MIPOL1: variants seen among roughly 807,000 people sequenced by gnomAD.
MIPOL1 encodes the protein mirror-image polydactyly 1.
Under a neutral mutation model 60.9 loss-of-function variants are expected in MIPOL1, and 57 were observed. The observed-to-expected ratio is 0.94, with a 90% confidence interval of 0.76 to 1.17. The LOEUF (loss-of-function observed/expected upper bound fraction) is 1.17. Ranked by LOEUF, MIPOL1 falls within the 50% of genes most tolerant of loss-of-function variation. The pLI is 0.00. For missense variants in MIPOL1, 551 were observed against 511.6 expected (o/e 1.08, Z -0.74); for synonymous variants, 179 against 168.8 (o/e 1.06, Z -0.47).
chr14:37,355,998 T>G (rs867925313), intron 9 of MIPOL1, among the ~76,000 whole-genome samples: 2,625 of 144,598 alleles, frequency 0.018, 68 homozygotes, highest in African/African-American at 0.061. Context: ...TTTTAGAGTT[T>G]CCAGTTTTTC....
In MIPOL1 at chr14:37,298,928, C is replaced by G. The variant is rs373706680; in HGVS notation, c.624-9128C>G. ...ATCTAGAACTAGAAATACCATTTGACCCAGCCATCCCATTACTGGGTATAT... is the reference window on the plus strand; with the variant it reads ...ATCTAGAACTAGAAATACCATTTGAGCCAGCCATCCCATTACTGGGTATAT... On this transcript the variant is annotated intron_variant, in intron 7 of 12. Coordinates refer to ENST00000684589, the MANE Select transcript of MIPOL1 (RefSeq NM_001388067.1). Among the ~76,000 whole-genome samples the G allele has an allele frequency of 3.1e-3, 466 of 150,084 alleles. 1 individual carries two copies. Among genetic ancestry groups the G allele is most frequent in the Non-Finnish European group, 5.2e-3 (350 of 67,512 alleles).
chr14:37,204,656 C>T (rs1459412042), intron 1 of MIPOL1, among the ~76,000 whole-genome samples: 1 of 152,080 alleles, frequency 6.6e-6, no homozygotes, highest in Non-Finnish European at 1.5e-5. Flanking sequence ...AACTGCGAGC[C>T]CATTAAACCT....
At chr14:37,299,644 C>T (rs2086188841) in intron 7 of MIPOL1, among the ~76,000 whole-genome samples, 1 of 151,946 alleles carries the variant, frequency 6.6e-6, no homozygotes, top group African/African-American at 2.4e-5. Flanking sequence ...ATTTCTAGAA[C>T]AGTTGTGAAG....
At chr14:37,409,276 A>T (rs2093642054) in intron 10 of MIPOL1, among the ~76,000 whole-genome samples, 1 of 152,208 alleles carries the variant, frequency 6.6e-6, no homozygotes, top group Non-Finnish European at 1.5e-5. Flanking sequence ...CAATAAAGTC[A>T]TCTAAAGAAT....
chr14:37,310,987 T>A (rs1416200445), intron 9 of MIPOL1, among the ~76,000 whole-genome samples: 2 of 152,182 alleles, frequency 1.3e-5, no homozygotes, highest in Non-Finnish European at 2.9e-5. Context: ...TGAATAGCTG[T>A]CAAAAGCTTG....
At chr14:37,496,510 GACAA>G (rs1277672216) in intron 11 of MIPOL1, among the ~76,000 whole-genome samples, 12 of 144,314 alleles carry the variant, frequency 8.3e-5, no homozygotes, top group African/African-American at 2.6e-4. Flanking sequence ...ACCAATAACA[GACAA>G]ACAGAGAGCC....
chr14:37,336,107 T>G (rs2090092251), intron 9 of MIPOL1, among the ~76,000 whole-genome samples: 2 of 126 alleles, frequency 0.016, no homozygotes, highest in Non-Finnish European at 0.062. Context: ...AATTCATGGT[T>G]TTTTTTTTTT....
chr14:37,249,472 C>G (rs1973734421), intron 3 of MIPOL1, among the ~76,000 whole-genome samples: 1 of 152,068 alleles, frequency 6.6e-6, no homozygotes, highest in African/African-American at 2.4e-5. Context: ...ATACTGTTAA[C>G]AAATTTTCTT....
At chr14:37,517,940 G>A (rs912307094) in intron 12 of MIPOL1, among the ~76,000 whole-genome samples, 1 of 152,142 alleles carries the variant, frequency 6.6e-6, no homozygotes, top group African/African-American at 2.4e-5. Flanking sequence ...TTTGAGCCAT[G>A]TAAATCTTTT....
intron 3 of MIPOL1, 81 bp downstream of exon 3, chr14:37,247,988 C>A: frequency 6.9e-7 from 1 of 1,442,552 alleles, no homozygotes; most frequent in Non-Finnish European, 9.7e-7. Flanking sequence ...TTTGTTCTAA[C>A]CAATATATTA....
chr14:37,527,562 A>G (rs1035944045), intron 12 of MIPOL1, among the ~76,000 whole-genome samples: 4 of 152,150 alleles, frequency 2.6e-5, no homozygotes, highest in African/African-American at 9.6e-5. Flanking sequence ...CTTCAGGGAT[A>G]GAACAAACAG....
At chr14:37,264,223 G>C (rs2082706306) in intron 3 of MIPOL1, among the ~76,000 whole-genome samples, 1 of 152,000 alleles carries the variant, frequency 6.6e-6, no homozygotes, top group African/African-American at 2.4e-5. Flanking sequence ...TATGAATAAG[G>C]TAAAGAAAAT....
chr14:37,551,552 C>T (rs576797703), downstream of MIPOL1: 5 of 151,632 alleles, frequency 3.3e-5, no homozygotes, highest in Non-Finnish European at 5.9e-5. Context: ...TTAGAAAGAA[C>T]ATAAGAAGTG....
intron 12 of MIPOL1, chr14:37,523,533 G>T: frequency 2.3e-6 from 1 of 428,632 alleles, no homozygotes; most frequent in Non-Finnish European, 4.1e-6. Context: ...AATTCCTAAT[G>T]GATAAAAGAA....
intron 10 of MIPOL1, among the ~76,000 whole-genome samples, chr14:37,382,700 T>A (rs1373173954): frequency 1.3e-5 from 2 of 152,008 alleles, no homozygotes; most frequent in Non-Finnish European, 2.9e-5. Flanking sequence ...TGGTTAGTTT[T>A]TCTGTTATGT....
intron 12 of MIPOL1, chr14:37,546,102 C>A (rs2095546372): frequency 6.5e-6 from 1 of 153,898 alleles, no homozygotes; most frequent in East Asian, 1.9e-4. Context: ...TCTTACTGAT[C>A]TACATGAATG....
At chr14:37,437,623 C>A (rs1420772832) in intron 11 of MIPOL1, among the ~76,000 whole-genome samples, 1 of 152,102 alleles carries the variant, frequency 6.6e-6, no homozygotes, top group Admixed American at 6.6e-5. Flanking sequence ...TAATTCAGAG[C>A]TAACACCACA....
At chr14:37,268,066 A>G (rs1017727947) in intron 4 of MIPOL1, among the ~76,000 whole-genome samples, 2 of 152,200 alleles carry the variant, frequency 1.3e-5, no homozygotes, top group Non-Finnish European at 2.9e-5. Flanking sequence ...GAAAAATATT[A>G]TTAGATTTAA....
chr14:37,412,731 T>A (rs1438399118), intron 10 of MIPOL1, among the ~76,000 whole-genome samples: 1 of 152,148 alleles, frequency 6.6e-6, no homozygotes, highest in Non-Finnish European at 1.5e-5. Context: ...TAGTTTCCTG[T>A]TAAACAGGTG....
Sources: allele counts gnomAD v4.1 joint callset (sites outside exome capture counted in the v4.1 genomes callset), GRCh38; gene constraint gnomAD v4.1.1; transcripts MANE v1.5; gene names NCBI Gene and HGNC (gene_info 2026-07-23, HGNC 2026-07-21).